Variants in ACSBG2 observed in about 807,000 individuals in gnomAD.
The protein encoded by ACSBG2 is long-chain-fatty-acid--CoA ligase ACSBG2.
Under a neutral mutation model 74.7 loss-of-function variants are expected in ACSBG2, and 62 were observed. The observed-to-expected ratio is 0.83, with a 90% CI of 0.68 to 1.03. ACSBG2 has a LOEUF of 1.03. Ranked by LOEUF, ACSBG2 falls within the 50% of genes least tolerant of loss-of-function variation. The pLI is 0.00. For missense variants in ACSBG2, 730 were observed against 817.6 expected, an observed-to-expected ratio of 0.89 and a Z score of 1.31; for synonymous variants, 309 against 294.1, an observed-to-expected ratio of 1.05 and a Z score of -0.52.
chr19:6,192,568 C>G (rs531343976), intron 14 of ACSBG2, 100 bp from the exon 15 acceptor site: 1 of 152,166 alleles, frequency 6.6e-6, no homozygotes, highest in Non-Finnish European at 1.5e-5. Flanking sequence ...TCGATTCACT[C>G]GGGAATATTT....
chr19:6,188,914 G>A (rs141172981), intron 13 of ACSBG2, among the ~76,000 whole-genome samples: 1 of 152,328 alleles, frequency 6.6e-6, no homozygotes, highest in African/African-American at 2.4e-5. Context: ...GGACTTGAAA[G>A]GATATCTCAG....
chr19:6,189,200 A>C (rs955492127), intron 13 of ACSBG2, among the ~76,000 whole-genome samples: 5 of 152,170 alleles, frequency 3.3e-5, no homozygotes, highest in African/African-American at 1.2e-4. Context: ...CATGCTGGCT[A>C]AAGTGGCTTG....
In ACSBG2 at chr19:6,172,205, G is replaced by A. The variant is rs2089982724; in HGVS notation, c.739-5024G>A. 3.9e-5 allele frequency among the ~76,000 whole-genome samples: 6 copies of A among 152,252 alleles called. 1 individual carries two copies. The South Asian group carries it at 1.2e-3, about 32-fold the overall frequency. ...GTCATTTCAAACATTTCAGTCTGAT[G>A]AGGACCCATTGCTAGAGAACTGGTG... On this transcript the variant is annotated intron_variant, in intron 7 of 14. Coordinates refer to ENST00000588485, the MANE Select transcript of ACSBG2 (RefSeq NM_030924.5).
In ACSBG2 at chr19:6,181,861, G is replaced by C. The variant is rs555237387; in HGVS notation, c.907-890G>C. Among the ~76,000 whole-genome samples the C allele has an allele frequency of 3.1e-4, 37 of 119,192 alleles. 1 individual carries two copies. In the Middle Eastern group the frequency reaches 0.073, roughly 234 times the overall value. 78.2% of individuals were successfully genotyped at this position (119,192 alleles called of 152,430 possible). ...CTTGGCATTTTGTTGAAAATCAACT[G>C]AGCATAAATTTAAGGTTTTATTTCT... On this transcript the variant is annotated intron_variant, in intron 8 of 14. Transcript: ENST00000588485.
At position 6,146,340 on chromosome 19, in the gene ACSBG2, G is replaced by A. The variant is rs1266219588; in HGVS notation, c.68-1106G>A. On this transcript the variant is annotated intron_variant, in intron 2 of 14. Transcript: ENST00000588485. ...CAAAAATTAGCCAGATGTGGTGGCG[G>A]GTGCCTGTAATCCCAGCTACTCGGC... Among the ~76,000 whole-genome samples the A allele has an allele frequency of 2.0e-5, 3 of 151,922 alleles. No homozygotes were observed. The East Asian group carries it at 5.8e-4, about 29-fold the overall frequency.
At chr19:6,186,005 C>A (rs1009139167) in intron 11 of ACSBG2, among the ~76,000 whole-genome samples, 1 of 151,800 alleles carries the variant, frequency 6.6e-6, no homozygotes, top group African/African-American at 2.4e-5. Context: ...CCAGCCATAT[C>A]TGAAAGCCAA....
chr19:6,183,230 G>A lies in ACSBG2; in HGVS notation c.1280G>A (p.Gly427Glu). Residue 427 changes from glycine (G) to glutamate (E), a missense_variant, in exon 10 of 15, where the codon GGA becomes GAA. Transcript: ENST00000588485. ...GELYGLSESS[G>E]PHTISNQNNY... The stretch of plus-strand genomic sequence containing the variant: ...TTGTATGGGTTGAGTGAGAGCTCGG[G>A]ACCCCACACGATATCCAACCAGAAT... 1.9e-6 allele frequency: 3 copies of A among 1,614,150 alleles called. No individual in the cohort carries two copies. Among genetic ancestry groups the A allele is most frequent in the Non-Finnish European group, 2.5e-6 (3 of 1,180,030 alleles).
chr19:6,147,284 A>T (rs2089068605), intron 2 of ACSBG2, among the ~76,000 whole-genome samples, 162 bp from the exon 3 acceptor site: 1 of 152,124 alleles, frequency 6.6e-6, no homozygotes, highest in Non-Finnish European at 1.5e-5. Flanking sequence ...AAATAAAGAG[A>T]AAGGAAGCTT....
chr19:6,176,233 C>T, intron 7 of ACSBG2: 1 of 1,268,432 alleles, frequency 7.9e-7, no homozygotes, highest in Non-Finnish European at 1.0e-6. Flanking sequence ...CTGGGCTACC[C>T]AAGAGGCTGA....
intron 4 of ACSBG2, among the ~76,000 whole-genome samples, chr19:6,154,094 A>G (rs903069289): frequency 1.3e-5 from 2 of 151,932 alleles, no homozygotes; most frequent in African/African-American, 4.8e-5. Context: ...CCTGTCTTAC[A>G]GTGAGTTGAA....
intron 6 of ACSBG2, among the ~76,000 whole-genome samples, chr19:6,163,721 C>T (rs891953805): frequency 2.7e-5 from 4 of 149,756 alleles, no homozygotes; most frequent in African/African-American, 4.9e-5. Flanking sequence ...CGCCACTGCA[C>T]TCCAGCCTGG....
At chr19:6,176,362 T>G in intron 7 of ACSBG2, 1 of 1,500,380 alleles carries the variant, frequency 6.7e-7, no homozygotes, top group East Asian at 2.6e-5. Context: ...GCAATATGGC[T>G]GAGTGGGAGG....
intron 4 of ACSBG2, among the ~76,000 whole-genome samples, chr19:6,154,435 A>G (rs140117272): frequency 0.56 from 79,272 of 142,002 alleles, 23,752 homozygotes; most frequent in Admixed American, 0.67. Context: ...AGAGAGAGAA[A>G]ATTATTATTA....
chr19:6,167,654 T>C (rs549762105), intron 7 of ACSBG2, among the ~76,000 whole-genome samples: 3 of 152,306 alleles, frequency 2.0e-5, no homozygotes, highest in Admixed American at 2.0e-4. Context: ...CAACTATGGT[T>C]TTTACTCTCC....
chr19:6,169,688 C>T (rs2089910391), intron 7 of ACSBG2, among the ~76,000 whole-genome samples: 1 of 152,148 alleles, frequency 6.6e-6, no homozygotes, highest in South Asian at 2.1e-4. Context: ...GTCATGTTAA[C>T]AATGTTGATT....
At chr19:6,190,929 G>C in intron 14 of ACSBG2, 1 of 309,944 alleles carries the variant, frequency 3.2e-6, no homozygotes, top group Non-Finnish European at 6.1e-6. Flanking sequence ...GGTAGGGTGT[G>C]TAAACTCCTT....
intron 2 of ACSBG2, among the ~76,000 whole-genome samples, chr19:6,142,746 C>A (rs866312230): frequency 4.7e-4 from 47 of 100,642 alleles, no homozygotes; most frequent in African/African-American, 1.5e-3. Context: ...GAGCGAGACT[C>A]TGTCTCAAAA....
rs141069568 is a variant in ACSBG2, at chr19:6,158,226, T to G, written c.507+1675T>G. On this transcript the variant is annotated intron_variant, in intron 5 of 14. Transcript: ENST00000588485. The stretch of plus-strand genomic sequence containing the variant: ...GCCTGCCACCATGTCCAGCTAATTT[T>G]TTGTATTTTTTTAGTAGAGACAGGG... Among the ~76,000 whole-genome samples, 1,246 of 151,974 alleles carry G rather than the reference T, an allele frequency of 8.2e-3. 12 individuals are homozygous for G. The highest frequency in any genetic ancestry group is 0.029 in the African/African-American group (1,193 of 41,428).
At chr19:6,184,584 T>C (rs1037861366) in intron 10 of ACSBG2, among the ~76,000 whole-genome samples, 8 of 148,022 alleles carry the variant, frequency 5.4e-5, no homozygotes, top group Non-Finnish European at 1.2e-4. Flanking sequence ...TCCTGCATCC[T>C]AGAACTGCAC....
Sources: gnomAD v4.1 joint callset for allele counts (sites outside exome capture counted in the v4.1 genomes callset) on GRCh38, gnomAD v4.1.1 for gene constraint, MANE v1.5 for transcripts, NCBI Gene and HGNC (gene_info 2026-07-23, HGNC 2026-07-21) for gene names.